The following BMPR2 variants were observed in gnomAD, a reference collection of about 807,000 sequenced individuals.
BMPR2 encodes the protein bone morphogenetic protein receptor type 2, also known as bone morphogenetic protein receptor type-2.
Under a neutral mutation model 100.8 loss-of-function variants are expected in BMPR2, and 29 were observed. The ratio of observed to expected loss-of-function variants is 0.29; its 90% CI spans 0.21 to 0.39. The LOEUF is 0.39. Among genes scored for constraint, BMPR2 ranks in the 10% least tolerant of loss-of-function variants. The pLI is 1.00. For synonymous variants in BMPR2, 382 were observed against 442.3 expected (o/e 0.86, Z 1.71); for missense variants, 1,011 against 1,274.5 (o/e 0.79, Z 3.15).
intron 1 of BMPR2, among the ~76,000 whole-genome samples, chr2:202,410,992 G>C (rs1454849763): frequency 1.3e-5 from 2 of 152,046 alleles, no homozygotes; most frequent in Non-Finnish European, 2.9e-5. Context: ...TAGAATTTCA[G>C]TTAATAAATA....
At chr2:202,397,794 C>G (rs1448762775) in intron 1 of BMPR2, among the ~76,000 whole-genome samples, 1 of 150,948 alleles carries the variant, frequency 6.6e-6, no homozygotes, top group Non-Finnish European at 1.5e-5. Flanking sequence ...GCCACCATGC[C>G]TGGCCAAAAA....
intron 1 of BMPR2, among the ~76,000 whole-genome samples, chr2:202,436,814 G>C (rs897883986): frequency 6.6e-6 from 1 of 150,462 alleles, no homozygotes; most frequent in Non-Finnish European, 1.5e-5. Flanking sequence ...GCCCGAATTG[G>C]CTTTGTTAAA....
intron 1 of BMPR2, among the ~76,000 whole-genome samples, chr2:202,440,374 G>A (rs1039942232): frequency 2.7e-5 from 4 of 148,512 alleles, no homozygotes; most frequent in African/African-American, 1.0e-4. Context: ...AGACGGGGCG[G>A]CGGGGCAGAG....
At chr2:202,420,216 A>G (rs1691229082) in intron 1 of BMPR2, among the ~76,000 whole-genome samples, 1 of 152,178 alleles carries the variant, frequency 6.6e-6, no homozygotes. Context: ...AGAAAAAAAT[A>G]CAAAAGACTC....
At position 202,518,917 on chromosome 2, in the gene BMPR2, T is replaced by C; in HGVS notation, c.717T>C (p.Asn239=). The change falls in exon 6 of 13, where the codon AAT becomes AAC. Residue 239 remains asparagine, a synonymous_variant. Transcript: ENST00000374580. The part of the protein sequence containing the change: ...VKVFSFANRQ[N]FINEKNIYRV... ...TGTTTTCCTTTGCAAACCGTCAGAA[T>C]TTTATCAACGAAAAGAACATTTACA... 1.2e-6 allele frequency: 2 copies of C among 1,614,242 alleles called. No individual in the cohort carries two copies. The highest frequency in any genetic ancestry group is 1.7e-6 in the Non-Finnish European group (2 of 1,180,050).
At chr2:202,476,147 T>C (rs1190135139) in intron 3 of BMPR2, among the ~76,000 whole-genome samples, 2 of 151,256 alleles carry the variant, frequency 1.3e-5, no homozygotes, top group Non-Finnish European at 2.9e-5. Flanking sequence ...GACCAGTGTT[T>C]AATAAATATC....
At chr2:202,541,593 A>G (rs751258477) in intron 9 of BMPR2, among the ~76,000 whole-genome samples, 1 of 152,190 alleles carries the variant, frequency 6.6e-6, no homozygotes, top group Non-Finnish European at 1.5e-5. Flanking sequence ...TTCTGTAGGC[A>G]TATTTGTTGT....
At chr2:202,395,469 G>A (rs535016119) in intron 1 of BMPR2, among the ~76,000 whole-genome samples, 92 of 152,254 alleles carry the variant, frequency 6.0e-4, no homozygotes, top group Non-Finnish European at 1.2e-3. Flanking sequence ...GTGAATCTTG[G>A]TCCCAGAACT....
chr2:202,502,661 G>A (rs1435465463), intron 3 of BMPR2, among the ~76,000 whole-genome samples: 1 of 152,148 alleles, frequency 6.6e-6, no homozygotes, highest in Non-Finnish European at 1.5e-5. Context: ...AGACTCTTTG[G>A]CAGCAGTGAC....
chr2:202,448,126 C>CT lies in BMPR2; in HGVS notation c.77-16682dup, dbSNP rs1209232352. ...ATACTGCCGGGCACATAACCCACAC[C>CT]TAATAATAAGTATTTGACTTTTTTT... On this transcript the variant is annotated intron_variant, in intron 1 of 12. Transcript: ENST00000374580. Among the ~76,000 whole-genome samples the CT allele has an allele frequency of 1.4e-5, 2 of 147,704 alleles. 1 individual carries two copies. Among genetic ancestry groups the CT allele is most frequent in the African/African-American group, 5.3e-5 (2 of 37,942 alleles).
At chr2:202,449,163 C>T (rs1470229189) in intron 1 of BMPR2, among the ~76,000 whole-genome samples, 1 of 151,696 alleles carries the variant, frequency 6.6e-6, no homozygotes. Context: ...ACAGAATTAG[C>T]CGGGCATGGT....
At chr2:202,552,625 G>T in intron 10 of BMPR2, 91 bp from the exon 11 acceptor site, 2 of 1,358,738 alleles carry the variant, frequency 1.5e-6, no homozygotes, top group Non-Finnish European at 1.0e-6. Context: ...TAAGGTAATT[G>T]ATTTTTCTTT....
chr2:202,441,448 T>C (rs1691740018), intron 1 of BMPR2, among the ~76,000 whole-genome samples: 1 of 149,242 alleles, frequency 6.7e-6, no homozygotes, highest in Non-Finnish European at 1.5e-5. Context: ...CTCACGCCTG[T>C]AATCCCAGCA....
In BMPR2 at chr2:202,549,816, A is replaced by G. The variant is rs1007874724; in HGVS notation, c.1414-2900A>G. ...TTCTAAAGTGGTTGTGCCATTTTACATTCTGGCCAGCAGTGCATAAGAGTT... is the reference window on the plus strand; with the variant it reads ...TTCTAAAGTGGTTGTGCCATTTTACGTTCTGGCCAGCAGTGCATAAGAGTT... On this transcript the variant is annotated intron_variant, in intron 10 of 12. Coordinates refer to ENST00000374580, the MANE Select transcript of BMPR2 (RefSeq NM_001204.7). Among the ~76,000 whole-genome samples the G allele has an allele frequency of 2.6e-5, 4 of 152,236 alleles. No homozygotes were observed. In the East Asian group the frequency reaches 7.7e-4, roughly 29 times the overall value.
chr2:202,396,252 G>A (rs1407079477), intron 1 of BMPR2, among the ~76,000 whole-genome samples: 1 of 152,222 alleles, frequency 6.6e-6, no homozygotes, highest in Non-Finnish European at 1.5e-5. Context: ...TGGATGAGCT[G>A]AGGGTGGTGA....
At chr2:202,451,746 T>TTTG (rs972869979) in intron 1 of BMPR2, among the ~76,000 whole-genome samples, 8 of 152,204 alleles carry the variant, frequency 5.3e-5, no homozygotes, top group East Asian at 1.9e-4. Context: ...TGTTTTGTTT[T>TTTG]TTGTTGTTGT....
intron 1 of BMPR2, among the ~76,000 whole-genome samples, chr2:202,440,146 ATC>A (rs1691702790): frequency 6.6e-6 from 1 of 150,602 alleles, no homozygotes; most frequent in East Asian, 1.9e-4. Flanking sequence ...TAACAATCTG[ATC>A]TCTCTTTCTT....
intron 3 of BMPR2, among the ~76,000 whole-genome samples, chr2:202,486,852 C>A (rs1012058455): frequency 1.3e-5 from 2 of 151,750 alleles, no homozygotes; most frequent in African/African-American, 4.8e-5. Flanking sequence ...ATAGTGAGAC[C>A]CTGCCTCTAC....
chr2:202,534,820 C>A (rs1408068286), intron 9 of BMPR2, among the ~76,000 whole-genome samples: 3 of 151,590 alleles, frequency 2.0e-5, no homozygotes, highest in African/African-American at 7.3e-5. Context: ...AGGCTCCTCA[C>A]CTCCCGGACG....
Sources: allele counts gnomAD v4.1 joint callset (sites outside exome capture counted in the v4.1 genomes callset), GRCh38; gene constraint gnomAD v4.1.1; transcripts MANE v1.5; gene names NCBI Gene and HGNC (gene_info 2026-07-23, HGNC 2026-07-21).